PLXNA2: variants seen among roughly 807,000 people sequenced by gnomAD.
The protein encoded by PLXNA2 is plexin A2.
Under a neutral mutation model 193.5 loss-of-function variants are expected in PLXNA2, and 91 were observed. That is an observed-to-expected ratio of 0.47 (90% CI 0.40 to 0.56). The LOEUF is 0.56. Among genes scored for constraint, PLXNA2 ranks in the 20% least tolerant of loss-of-function variants. PLXNA2 has a pLI of 0.00. For synonymous variants in PLXNA2, 997 were observed against 1,027.3 expected, an observed-to-expected ratio of 0.97 and a Z score of 0.56; for missense variants, 1,995 against 2,503.2, an observed-to-expected ratio of 0.80 and a Z score of 4.33.
intron 3 of PLXNA2, among the ~76,000 whole-genome samples, chr1:208,197,939 T>C (rs532932504): frequency 1.3e-5 from 2 of 152,142 alleles, no homozygotes; most frequent in Non-Finnish European, 2.9e-5. Flanking sequence ...ATAGAATGTA[T>C]AATTTTCACA....
intron 3 of PLXNA2, among the ~76,000 whole-genome samples, chr1:208,190,445 G>A (rs1204376576): frequency 6.6e-6 from 1 of 152,196 alleles, no homozygotes; most frequent in Non-Finnish European, 1.5e-5. Flanking sequence ...ATGTTGCAGG[G>A]CTGTTAGAAA....
At position 208,046,062 on chromosome 1, in the gene PLXNA2, G is replaced by A. The variant is rs752519049; in HGVS notation, c.3311C>T (p.Thr1104Met). ...AGTGTCCAGGCCAGGGCGGTAGTCCGTGGTCAGAGAGGGTGCCAGGCAGGT... is the reference window on the plus strand; with the variant it reads ...AGTGTCCAGGCCAGGGCGGTAGTCCATGGTCAGAGAGGGTGCCAGGCAGGT... Reference protein sequence around the residue: ...TLTCLAPSLTTDYRPGLDTVE... With the variant: ...TLTCLAPSLTMDYRPGLDTVE... Residue 1104 changes from threonine (T) to methionine (M), a missense_variant, in exon 18 of 32, where the codon ACG becomes ATG. Thr to Met is a moderately conservative substitution (Grantham distance 81, BLOSUM62 -1). Around this residue, in one of 3 missense-constraint regions of PLXNA2, gnomAD observed 1,291 missense variants for 1,673.6 expected, o/e 0.77. Coordinates refer to ENST00000367033, the MANE Select transcript of PLXNA2 (RefSeq NM_025179.4). The A allele has an allele frequency of 5.8e-5, 93 of 1,614,140 alleles. No homozygotes were observed. The highest frequency in any genetic ancestry group is 3.3e-4 in the Middle Eastern group (2 of 6,084).
At chr1:208,230,966 A>G (rs1671671953) in intron 1 of PLXNA2, among the ~76,000 whole-genome samples, 1 of 152,182 alleles carries the variant, frequency 6.6e-6, no homozygotes, top group South Asian at 2.1e-4. Flanking sequence ...AGGTCTGACC[A>G]CTTAAAGGTC....
intron 26 of PLXNA2, among the ~76,000 whole-genome samples, chr1:208,035,089 C>T (rs1170917988): frequency 6.6e-6 from 1 of 151,874 alleles, no homozygotes; most frequent in Non-Finnish European, 1.5e-5. Context: ...ATGTGGCTTG[C>T]ATTAATTTTC....
At chr1:208,143,984 G>A (rs948403836) in intron 3 of PLXNA2, among the ~76,000 whole-genome samples, 4 of 152,202 alleles carry the variant, frequency 2.6e-5, no homozygotes, top group Non-Finnish European at 4.4e-5. Context: ...TTGAAAGAGC[G>A]TGAACTGTGC....
intron 3 of PLXNA2, among the ~76,000 whole-genome samples, chr1:208,154,546 G>T (rs1477915885): frequency 6.6e-6 from 1 of 152,096 alleles, no homozygotes; most frequent in Non-Finnish European, 1.5e-5. Flanking sequence ...TAAGACCAAG[G>T]GAGCTACACT....
In PLXNA2 at chr1:208,133,347, T is replaced by C. The variant is rs140119322; in HGVS notation, c.1506+8982A>G. Among the ~76,000 whole-genome samples the C allele has an allele frequency of 3.9e-5, 6 of 152,372 alleles. No homozygotes were observed. In the East Asian group the frequency reaches 9.6e-4, roughly 24 times the overall value. ...GCGCTTCTCCAGAATTTGACCACCTTGAGGGCAGGGATTCTATTTTATTTT... is the reference window on the plus strand; with the variant it reads ...GCGCTTCTCCAGAATTTGACCACCTCGAGGGCAGGGATTCTATTTTATTTT... On this transcript the variant is annotated intron_variant, in intron 4 of 31. Transcript: ENST00000367033.
intron 17 of PLXNA2, among the ~76,000 whole-genome samples, chr1:208,046,797 A>AGTGT (rs57420579): frequency 0.037 from 4,761 of 129,552 alleles, 129 homozygotes; most frequent in Non-Finnish European, 0.042. Context: ...AGAACAGCAT[A>AGTGT]GTGTGTGTGT....
intron 9 of PLXNA2, among the ~76,000 whole-genome samples, chr1:208,087,602 T>C (rs964481525): frequency 1.4e-4 from 22 of 152,142 alleles, no homozygotes; most frequent in Non-Finnish European, 5.9e-5. Flanking sequence ...CAGAATAGGA[T>C]TTTTTCCCTT....
At chr1:208,190,152 G>C (rs1224193409) in intron 3 of PLXNA2, among the ~76,000 whole-genome samples, 1 of 152,162 alleles carries the variant, frequency 6.6e-6, no homozygotes, top group Non-Finnish European at 1.5e-5. Flanking sequence ...AGGCAGAAAA[G>C]GGATTTTTTT....
intron 3 of PLXNA2, among the ~76,000 whole-genome samples, chr1:208,178,105 T>C (rs1384494692): frequency 3.5e-5 from 5 of 142,740 alleles, no homozygotes; most frequent in African/African-American, 1.3e-4. Flanking sequence ...AAGTGTCCAT[T>C]CCTACCTTCT....
chr1:208,053,066 A>C (rs998738786), intron 14 of PLXNA2, among the ~76,000 whole-genome samples: 5 of 152,198 alleles, frequency 3.3e-5, no homozygotes, highest in African/African-American at 1.2e-4. Context: ...TAAGTAGTAA[A>C]ATTCAGCCTG....
chr1:208,184,900 T>C (rs1020582118), intron 3 of PLXNA2, among the ~76,000 whole-genome samples: 1 of 152,160 alleles, frequency 6.6e-6, no homozygotes, highest in African/African-American at 2.4e-5. Flanking sequence ...TCCCAGTTCC[T>C]CTAAAAGCAG....
intron 4 of PLXNA2, among the ~76,000 whole-genome samples, chr1:208,119,306 T>C (rs1190263627): frequency 6.6e-6 from 1 of 152,154 alleles, no homozygotes; most frequent in African/African-American, 2.4e-5. Flanking sequence ...GCCATATATA[T>C]TGTTGTCTAG....
chr1:208,152,335 G>A (rs1309341523), intron 3 of PLXNA2, among the ~76,000 whole-genome samples: 1 of 152,094 alleles, frequency 6.6e-6, no homozygotes, highest in Non-Finnish European at 1.5e-5. Context: ...GAGAAATGGA[G>A]CCTACAACCA....
At chr1:208,142,606 T>A in intron 3 of PLXNA2, 143 bp from the exon 4 acceptor site, 1 of 747,006 alleles carries the variant, frequency 1.3e-6, no homozygotes, top group Non-Finnish European at 2.1e-6. Flanking sequence ...CCACTTCTTT[T>A]AAACAGCCCA....
At chr1:208,102,975 C>T (rs1667143467) in intron 5 of PLXNA2, among the ~76,000 whole-genome samples, 172 bp downstream of exon 5, 2 of 152,214 alleles carry the variant, frequency 1.3e-5, no homozygotes, top group Non-Finnish European at 2.9e-5. Context: ...AGAAAGAAGG[C>T]CCACCCATGG....
chr1:208,220,650 G>T (rs183688354), intron 1 of PLXNA2, among the ~76,000 whole-genome samples: 44 of 151,134 alleles, frequency 2.9e-4, no homozygotes, highest in Admixed American at 2.8e-3. Flanking sequence ...CACCATGTTG[G>T]TCACACTGCT....
Position 208,243,971 on chromosome 1 carries a change from C to T in PLXNA2, c.-409G>A, listed in dbSNP as rs1672150122. 1 of 152,318 alleles carries T rather than the reference C, an allele frequency of 6.6e-6. No homozygotes were observed. The highest frequency in any genetic ancestry group is 2.4e-5 in the African/African-American group (1 of 41,448). 9.4% of individuals were successfully genotyped at this position (152,318 alleles called of 1,614,324 possible). On this transcript the variant is annotated 5_prime_UTR_variant, in exon 1 of 32. Coordinates refer to ENST00000367033, the MANE Select transcript of PLXNA2 (RefSeq NM_025179.4). Reference sequence around the variant, plus strand: ...GTGGGGGCGGCCGGCGGTGTCTCTCCTGAGGAAGAAGCAGAGCCCCGGCTG... The same window carrying T: ...GTGGGGGCGGCCGGCGGTGTCTCTCTTGAGGAAGAAGCAGAGCCCCGGCTG...
Sources: allele counts gnomAD v4.1 joint callset (sites outside exome capture counted in the v4.1 genomes callset), GRCh38; gene constraint gnomAD v4.1.1; regional missense constraint gnomAD v4.1.1; transcripts MANE v1.5; gene names NCBI Gene and HGNC (gene_info 2026-07-23, HGNC 2026-07-21).